Variants in AIG1 observed in about 807,000 individuals in gnomAD.
AIG1 encodes androgen-induced gene 1 protein.
A neutral mutation model predicts 31.4 loss-of-function variants in AIG1; 23 were observed. That is an observed-to-expected ratio of 0.73 (90% confidence interval 0.53 to 1.04). The LOEUF (loss-of-function observed/expected upper bound fraction) is 1.04. Ranked by LOEUF, AIG1 falls within the 50% of genes least tolerant of loss-of-function variation. The probability of loss-of-function intolerance (pLI) is 0.00; values close to 1 mark genes in which losing one functional copy is unlikely to be tolerated. For missense variants in AIG1, 274 were observed against 295.0 expected, an observed-to-expected ratio of 0.93 and a Z score of 0.52; for synonymous variants, 100 against 110.5, an observed-to-expected ratio of 0.90 and a Z score of 0.60.
At chr6:143,294,660 T>C (rs900065488) in intron 4 of AIG1, among the ~76,000 whole-genome samples, 2 of 152,228 alleles carry the variant, frequency 1.3e-5, no homozygotes, top group African/African-American at 2.4e-5. Flanking sequence ...TTGGCTGATG[T>C]CACCAGTGAC....
chr6:143,290,905 A>G (rs1415912547), intron 4 of AIG1, among the ~76,000 whole-genome samples: 1 of 152,106 alleles, frequency 6.6e-6, no homozygotes, highest in Non-Finnish European at 1.5e-5. Context: ...CACCAAGGCC[A>G]TCCATGCTTC....
intron 2 of AIG1, among the ~76,000 whole-genome samples, chr6:143,143,345 CA>C (rs1308560160): frequency 6.8e-6 from 1 of 147,852 alleles, no homozygotes; most frequent in African/African-American, 2.5e-5. Flanking sequence ...AAAAAAAATA[CA>C]AAAAATTAGC....
chr6:143,316,337 GAGTTTCACTTATGAAACTT>G (rs1265123481), intron 4 of AIG1, among the ~76,000 whole-genome samples: 13 of 152,138 alleles, frequency 8.5e-5, no homozygotes, highest in Non-Finnish European at 1.9e-4. Flanking sequence ...CTCCCATAGG[GAGTTTCACTTATGAAACTT>G]AGTTTCACTG....
chr6:143,190,403 A>G (rs1789683385), intron 3 of AIG1: 1 of 981,676 alleles, frequency 1.0e-6, no homozygotes, highest in Non-Finnish European at 1.2e-6. Flanking sequence ...TCTCCTGGTG[A>G]TATTTTCCAT....
chr6:143,152,856 A>C (rs1304253885), intron 2 of AIG1, among the ~76,000 whole-genome samples: 2 of 152,214 alleles, frequency 1.3e-5, no homozygotes, highest in Non-Finnish European at 2.9e-5. Flanking sequence ...ACTGGAAGCC[A>C]AGCCCAGGCA....
chr6:143,167,119 A>G (rs749071870), intron 3 of AIG1, among the ~76,000 whole-genome samples: 50 of 152,216 alleles, frequency 3.3e-4, no homozygotes, highest in Non-Finnish European at 5.9e-4. Context: ...TTTTTAAGAA[A>G]AAGACATTAT....
chr6:143,281,233 C>T (rs1360017893), intron 3 of AIG1, among the ~76,000 whole-genome samples: 1 of 152,182 alleles, frequency 6.6e-6, no homozygotes, highest in African/African-American at 2.4e-5. Context: ...GATAATTAAC[C>T]TTTCTGAGCC....
chr6:143,261,633 A>AT lies in AIG1; in HGVS notation c.400-22469dup, dbSNP rs1447984342. Among the ~76,000 whole-genome samples the AT allele has an allele frequency of 3.6e-4, 55 of 152,214 alleles. No homozygotes were observed. The East Asian group carries it at 0.01, about 28-fold the overall frequency. The stretch of plus-strand genomic sequence containing the variant: ...ATAGCCCTTACCTTTCCTCTATGCA[A>AT]TTTTTTTTAATGTTTGAGTCTAAAG... On this transcript the variant is annotated intron_variant, in intron 3 of 5. Coordinates refer to ENST00000357847, the MANE Select transcript of AIG1 (RefSeq NM_016108.4).
chr6:143,189,228 T>C (rs1345118154), intron 3 of AIG1: 1 of 423,600 alleles, frequency 2.4e-6, no homozygotes, highest in African/African-American at 2.2e-5. Flanking sequence ...AAAATTTTTT[T>C]GTAGAGACAA....
intron 1 of AIG1, among the ~76,000 whole-genome samples, chr6:143,067,346 A>G (rs1776803533): frequency 6.6e-6 from 1 of 152,182 alleles, no homozygotes; most frequent in South Asian, 2.1e-4. Flanking sequence ...GTTTAAGGTA[A>G]TATAATCTAG....
At chr6:143,246,868 G>A (rs1018454290) in intron 3 of AIG1, among the ~76,000 whole-genome samples, 1 of 152,090 alleles carries the variant, frequency 6.6e-6, no homozygotes, top group Non-Finnish European at 1.5e-5. Flanking sequence ...AAACACTCTC[G>A]GCTTCAAAAA....
At chr6:143,108,488 A>G (rs529554246) in intron 1 of AIG1, among the ~76,000 whole-genome samples, 2 of 152,292 alleles carry the variant, frequency 1.3e-5, no homozygotes, top group South Asian at 2.1e-4. Flanking sequence ...CTCTGTTTCT[A>G]GGAATAAAAA....
At chr6:143,264,183 A>C (rs1795998200) in intron 3 of AIG1, among the ~76,000 whole-genome samples, 2 of 152,078 alleles carry the variant, frequency 1.3e-5, no homozygotes. Context: ...TTGGGTATTT[A>C]TTAGCCTTTA....
At chr6:143,184,360 C>A (rs1222963061) in intron 3 of AIG1, among the ~76,000 whole-genome samples, 1 of 152,218 alleles carries the variant, frequency 6.6e-6, no homozygotes, top group African/African-American at 2.4e-5. Context: ...TTCTGCACTA[C>A]GTGTGTCCTT....
In AIG1 at chr6:143,326,312, A is replaced by G. The variant is rs187109115; in HGVS notation, c.516-6970A>G. Among the ~76,000 whole-genome samples, 370 of 152,274 alleles carry G rather than the reference A, an allele frequency of 2.4e-3. 2 individuals carry two copies. The highest frequency in any genetic ancestry group is 8.1e-3 in the Admixed American group (124 of 15,296). Reference sequence around the variant, plus strand: ...CACAACAAAAGTGTTCTCTTCTTGAACTTCTGGGAGCGTTCTCTTGTTCTC... The same window carrying G: ...CACAACAAAAGTGTTCTCTTCTTGAGCTTCTGGGAGCGTTCTCTTGTTCTC... On this transcript the variant is annotated intron_variant, in intron 4 of 5. Coordinates refer to ENST00000357847, the MANE Select transcript of AIG1 (RefSeq NM_016108.4). The surrounding 1 kb of genome is among the most constrained non-coding windows in gnomAD (Gnocchi z 4.5).
intron 4 of AIG1, among the ~76,000 whole-genome samples, chr6:143,317,071 A>C (rs1385929823): frequency 6.6e-6 from 1 of 152,166 alleles, no homozygotes; most frequent in Non-Finnish European, 1.5e-5. Flanking sequence ...GCTGAATTCT[A>C]TCAGACATTC....
intron 2 of AIG1, among the ~76,000 whole-genome samples, chr6:143,163,665 T>C (rs919571184): frequency 1.3e-5 from 2 of 152,218 alleles, no homozygotes; most frequent in Non-Finnish European, 2.9e-5. Context: ...TCCACAGCAG[T>C]GCCCCAAATC....
chr6:143,213,430 G>A (rs1791741215), intron 3 of AIG1, among the ~76,000 whole-genome samples: 1 of 151,106 alleles, frequency 6.6e-6, no homozygotes. Context: ...ATGAGGGGCA[G>A]CATCTAACTC....
At chr6:143,062,960 C>T (rs554435793) in intron 1 of AIG1, among the ~76,000 whole-genome samples, 36 of 152,224 alleles carry the variant, frequency 2.4e-4, no homozygotes, top group South Asian at 6.2e-4. Context: ...TAGAAACAGC[C>T]CTCAGCATCA....
Sources: gnomAD v4.1 joint callset for allele counts (sites outside exome capture counted in the v4.1 genomes callset) on GRCh38, gnomAD v4.1.1 for gene constraint, Gnocchi (gnomAD v3.1) non-coding constraint, MANE v1.5 for transcripts, NCBI Gene and HGNC (gene_info 2026-07-23, HGNC 2026-07-21) for gene names.